CTNND2: variants seen among roughly 807,000 people sequenced by gnomAD.
The protein encoded by CTNND2 is catenin delta-2.
A neutral mutation model predicts 144.4 loss-of-function variants in CTNND2; 22 were observed. That is an observed-to-expected ratio of 0.15 (90% confidence interval 0.11 to 0.22). The LOEUF (loss-of-function observed/expected upper bound fraction) is 0.22, where lower values mean the gene tolerates loss of function less well. Among genes scored for constraint, CTNND2 ranks in the 10% least tolerant of loss-of-function variants. The pLI is 1.00. For synonymous variants in CTNND2, 751 were observed against 695.6 expected, an observed-to-expected ratio of 1.08 and a Z score of -1.25; for missense variants, 1,353 against 1,618.8, an observed-to-expected ratio of 0.84 and a Z score of 2.82.
chr5:11,339,459 A>C (rs187359437), intron 9 of CTNND2, among the ~76,000 whole-genome samples: 186 of 152,226 alleles, frequency 1.2e-3, no homozygotes, highest in African/African-American at 4.3e-3. Flanking sequence ...GGAAAAACTG[A>C]ATTTGAAGGG....
chr5:11,568,909 C>A (rs1777338883), intron 2 of CTNND2, among the ~76,000 whole-genome samples: 2 of 152,148 alleles, frequency 1.3e-5, no homozygotes, highest in African/African-American at 4.8e-5. Context: ...AATATATTTA[C>A]TGAAACTTGT....
intron 2 of CTNND2, among the ~76,000 whole-genome samples, chr5:11,712,912 C>T (rs1786115099): frequency 6.6e-6 from 1 of 152,078 alleles, no homozygotes; most frequent in African/African-American, 2.4e-5. Flanking sequence ...TACTGAACAG[C>T]AGCACACAAA....
chr5:11,654,225 G>A (rs1376153007), intron 2 of CTNND2, among the ~76,000 whole-genome samples: 3 of 151,792 alleles, frequency 2.0e-5, no homozygotes, highest in Admixed American at 1.3e-4. Context: ...GCTCTTCCTG[G>A]TACCATAAAA....
intron 9 of CTNND2, among the ~76,000 whole-genome samples, chr5:11,246,244 GAA>G (rs977451138): frequency 6.6e-6 from 1 of 152,202 alleles, no homozygotes; most frequent in South Asian, 2.1e-4. Context: ...GTAGTGGGTT[GAA>G]GAGTGTCTCC....
chr5:11,095,147 C>A (rs1751207236), intron 15 of CTNND2, among the ~76,000 whole-genome samples: 2 of 151,852 alleles, frequency 1.3e-5, no homozygotes, highest in Non-Finnish European at 2.9e-5. Context: ...CTCTACACAC[C>A]TAAAGATCCA....
intron 9 of CTNND2, among the ~76,000 whole-genome samples, chr5:11,273,853 C>T (rs911461462): frequency 7.9e-5 from 12 of 152,140 alleles, no homozygotes; most frequent in Non-Finnish European, 1.2e-4. Context: ...GTGCGCCATC[C>T]TGATACACAG....
intron 9 of CTNND2, among the ~76,000 whole-genome samples, chr5:11,295,074 T>C (rs1251584861): frequency 6.6e-6 from 1 of 152,156 alleles, no homozygotes; most frequent in Non-Finnish European, 1.5e-5. Context: ...ACTATATATC[T>C]AGAAAACCCC....
chr5:11,371,271 T>C (rs184638885), intron 7 of CTNND2, among the ~76,000 whole-genome samples: 7 of 152,360 alleles, frequency 4.6e-5, no homozygotes, highest in Admixed American at 1.3e-4. Context: ...CCTGTTATCA[T>C]GAAACTCCAA....
intron 3 of CTNND2, among the ~76,000 whole-genome samples, chr5:11,414,653 A>G (rs950775070): frequency 1.3e-5 from 2 of 152,174 alleles, no homozygotes; most frequent in African/African-American, 4.8e-5. Context: ...TTACACAGGT[A>G]AACTCATGTC....
At chr5:11,656,680 T>C (rs888085580) in intron 2 of CTNND2, among the ~76,000 whole-genome samples, 27 of 152,004 alleles carry the variant, frequency 1.8e-4, no homozygotes, top group Non-Finnish European at 7.4e-5. Flanking sequence ...CGCAGGTGAG[T>C]GTTAATGCAG....
At position 11,261,676 on chromosome 5, in the gene CTNND2, G is replaced by A. The variant is rs146419590; in HGVS notation, c.1629-24853C>T. Among the ~76,000 whole-genome samples the A allele has an allele frequency of 5.1e-3, 784 of 152,284 alleles. 3 individuals carry two copies. The highest frequency in any genetic ancestry group is 6.0e-3 in the Non-Finnish European group (408 of 68,016). On this transcript the variant is annotated intron_variant, in intron 9 of 21. Coordinates refer to ENST00000304623, the MANE Select transcript of CTNND2 (RefSeq NM_001332.4). ...TCACCCACCCCAAGATGGATATAGG[G>A]GATCTTCCACCACTGCAAACCTTGG...
chr5:11,602,416 G>A (rs1428406197), intron 2 of CTNND2, among the ~76,000 whole-genome samples: 1 of 151,464 alleles, frequency 6.6e-6, no homozygotes, highest in Non-Finnish European at 1.5e-5. Context: ...TAATAAACAC[G>A]ATGACATTAG....
In CTNND2 at chr5:11,376,042, G is replaced by A. The variant is rs115051123; in HGVS notation, c.1177+8623C>T. 3.0e-3 allele frequency among the ~76,000 whole-genome samples: 462 copies of A among 152,188 alleles called. 1 individual carries two copies. The highest frequency in any genetic ancestry group is 5.2e-3 in the Non-Finnish European group (355 of 68,012). ...GAGTGGGATTAGTGCCCTTACACCCGAGAGAGCAAGGTGAGGACACAGCAA... is the reference window on the plus strand; with the variant it reads ...GAGTGGGATTAGTGCCCTTACACCCAAGAGAGCAAGGTGAGGACACAGCAA... On this transcript the variant is annotated intron_variant, in intron 7 of 21. Coordinates refer to ENST00000304623, the MANE Select transcript of CTNND2 (RefSeq NM_001332.4).
intron 9 of CTNND2, among the ~76,000 whole-genome samples, chr5:11,263,701 T>C (rs139288562): frequency 4.5e-4 from 68 of 152,346 alleles, no homozygotes; most frequent in African/African-American, 1.6e-3. Context: ...TTCATGCCTT[T>C]ACAGTTACTG....
rs73743724 is a variant in CTNND2 at position 11,248,063 on chromosome 5, T to A, written c.1629-11240A>T. 2.4e-3 allele frequency among the ~76,000 whole-genome samples: 366 copies of A among 152,296 alleles called. 2 individuals carry two copies. The highest frequency in any genetic ancestry group is 8.6e-3 in the African/African-American group (359 of 41,552). On this transcript the variant is annotated intron_variant, in intron 9 of 21. Transcript: ENST00000304623. ...TACCTTGTAAAGCATGATGACTTTA[T>A]AGAAAATGTTTATGTTCACCACTAT...
chr5:11,141,098 G>A (rs913575698), intron 12 of CTNND2, among the ~76,000 whole-genome samples: 5 of 152,114 alleles, frequency 3.3e-5, no homozygotes, highest in African/African-American at 4.8e-5. Context: ...GGAACTACAG[G>A]TGCATGTCAC....
chr5:11,219,792 T>C (rs192527910), intron 10 of CTNND2, among the ~76,000 whole-genome samples: 2 of 152,348 alleles, frequency 1.3e-5, no homozygotes, highest in Admixed American at 1.3e-4. Context: ...CAGGACACCA[T>C]GACTTTGGCC....
intron 6 of CTNND2, among the ~76,000 whole-genome samples, chr5:11,387,153 G>A (rs1202771666): frequency 1.3e-5 from 2 of 151,720 alleles, no homozygotes; most frequent in Non-Finnish European, 2.9e-5. Context: ...AGCTCAGCAG[G>A]TGATTTCACT....
intron 3 of CTNND2, among the ~76,000 whole-genome samples, chr5:11,543,750 AAG>A (rs1272898930): frequency 6.6e-6 from 1 of 152,200 alleles, no homozygotes; most frequent in East Asian, 1.9e-4. Context: ...TTCAAAACAG[AAG>A]AGTCCTTACT....
Sources: allele counts gnomAD v4.1 joint callset (sites outside exome capture counted in the v4.1 genomes callset), GRCh38; gene constraint gnomAD v4.1.1; transcripts MANE v1.5; gene names NCBI Gene and HGNC (gene_info 2026-07-23, HGNC 2026-07-21).